The following LPP variants were observed in gnomAD, a reference collection of about 807,000 sequenced individuals.
LPP encodes the protein LIM domain containing preferred translocation partner in lipoma.
Under a neutral mutation model 60.4 loss-of-function variants are expected in LPP, and 38 were observed. The ratio of observed to expected loss-of-function variants is 0.63; its 90% CI spans 0.49 to 0.83. The LOEUF (loss-of-function observed/expected upper bound fraction) is 0.83, where lower values mean the gene tolerates loss of function less well. Among genes scored for constraint, LPP ranks in the 40% least tolerant of loss-of-function variants. The pLI is 0.00. For synonymous variants in LPP, 328 were observed against 290.8 expected (o/e 1.13, Z -1.30); for missense variants, 902 against 783.6 (o/e 1.15, Z -1.80).
intron 2 of LPP, among the ~76,000 whole-genome samples, chr3:188,300,289 C>A (rs773503526): frequency 6.6e-6 from 1 of 151,756 alleles, no homozygotes. Context: ...TGTAAACATT[C>A]CCAAAATGTA....
At chr3:188,175,697 T>A (rs2148845821) in intron 1 of LPP, among the ~76,000 whole-genome samples, 1 of 152,276 alleles carries the variant, frequency 6.6e-6, no homozygotes, top group Middle Eastern at 3.4e-3. Flanking sequence ...TAAAAAGAGA[T>A]CACTGGGCTC....
Position 188,878,949 on chromosome 3 carries a change from T to G in LPP, c.*4470T>G, listed in dbSNP as rs1470536781. ...GTTTTTTATTTGATTTTACAGTAGT[T>G]TTAGTCAGATAATGAGGACAGAGAC... is the stretch of plus-strand genomic sequence containing the variant. On this transcript the variant is annotated 3_prime_UTR_variant, in exon 12 of 12. Transcript: ENST00000617246. 1 of 226,698 alleles carries G rather than the reference T, an allele frequency of 4.4e-6. No homozygotes were observed. Among genetic ancestry groups the G allele is most frequent in the Non-Finnish European group, 8.8e-6 (1 of 114,064 alleles). 14.0% of individuals were successfully genotyped at this position (226,698 alleles called of 1,614,324 possible).
chr3:188,331,532 C>T (rs994470555), intron 2 of LPP, among the ~76,000 whole-genome samples: 4 of 152,208 alleles, frequency 2.6e-5, no homozygotes, highest in Admixed American at 2.6e-4. Context: ...TATAATATTG[C>T]TTACACATGA....
At chr3:188,487,472 T>A (rs1000094851) in intron 5 of LPP, among the ~76,000 whole-genome samples, 2 of 152,176 alleles carry the variant, frequency 1.3e-5, no homozygotes, top group African/African-American at 4.8e-5. Context: ...AAAATGCCTG[T>A]TGTCATGTTG....
chr3:188,357,796 A>G (rs943933396), intron 3 of LPP, among the ~76,000 whole-genome samples: 1 of 152,190 alleles, frequency 6.6e-6, no homozygotes, highest in African/African-American at 2.4e-5. Flanking sequence ...ATGAGAATAA[A>G]CAAAAAAACA....
At chr3:188,553,403 A>T (rs1828680016) in intron 6 of LPP, among the ~76,000 whole-genome samples, 1 of 152,100 alleles carries the variant, frequency 6.6e-6, no homozygotes, top group Non-Finnish European at 1.5e-5. Flanking sequence ...GGTAGCAGGG[A>T]GGGGGTTACT....
chr3:188,857,522 T>G (rs144197299), intron 9 of LPP, among the ~76,000 whole-genome samples: 2 of 152,224 alleles, frequency 1.3e-5, no homozygotes, highest in Non-Finnish European at 2.9e-5. Context: ...TTGTGTACAT[T>G]TAGTAAACTT....
At chr3:188,775,313 G>A (rs62291348) in intron 9 of LPP, among the ~76,000 whole-genome samples, 32,324 of 152,002 alleles carry the variant, frequency 0.21, 3,895 homozygotes, top group Middle Eastern at 0.28. Flanking sequence ...AGCCTCCCAA[G>A]GTGCTGGGAT....
intron 7 of LPP, among the ~76,000 whole-genome samples, chr3:188,704,422 T>C (rs918197050): frequency 1.3e-5 from 2 of 152,220 alleles, no homozygotes; most frequent in Non-Finnish European, 2.9e-5. Context: ...CCTGAAGTTA[T>C]GAAAGGTTGA....
At chr3:188,506,862 A>G (rs1277746867) in intron 5 of LPP, among the ~76,000 whole-genome samples, 2 of 151,952 alleles carry the variant, frequency 1.3e-5, no homozygotes, top group African/African-American at 4.8e-5. Context: ...CAGTGGCGCA[A>G]TCTCGGCTCA....
At chr3:188,579,387 G>A (rs1337152413) in intron 6 of LPP, among the ~76,000 whole-genome samples, 2 of 152,204 alleles carry the variant, frequency 1.3e-5, no homozygotes, top group Non-Finnish European at 2.9e-5. Flanking sequence ...AAAGTAATGT[G>A]TCCTCTTTGG....
intron 7 of LPP, among the ~76,000 whole-genome samples, chr3:188,655,296 C>T (rs749658653): frequency 3.2e-4 from 48 of 151,960 alleles, no homozygotes; most frequent in Admixed American, 1.0e-3. Flanking sequence ...TCTAGCAGCA[C>T]GTTAAAAAGT....
At chr3:188,298,982 C>T (rs1315328776) in intron 2 of LPP, among the ~76,000 whole-genome samples, 1 of 152,118 alleles carries the variant, frequency 6.6e-6, no homozygotes, top group Non-Finnish European at 1.5e-5. Context: ...TGCCCCAGGC[C>T]CTAAGCAGGC....
In LPP at chr3:188,760,086, G is replaced by T. The variant is rs750584459; in HGVS notation, c.1241-27G>T. ...GCAGGACTGAAGTACTCCTTGGTGT[G>T]TTCTTATCAAACCCTTTTTTTTCCA... On this transcript the variant is annotated intron_variant, in intron 8 of 11. Transcript: ENST00000617246. 3 of 1,612,060 alleles carry T rather than the reference G, an allele frequency of 1.9e-6. No homozygotes were observed. In the African/African-American group the frequency reaches 4.0e-5, roughly 22 times the overall value.
chr3:188,370,060 T>G (rs1298953201), intron 3 of LPP, among the ~76,000 whole-genome samples: 1 of 152,164 alleles, frequency 6.6e-6, no homozygotes, highest in Non-Finnish European at 1.5e-5. Flanking sequence ...CCCGAGTAGC[T>G]GGGATTACAG....
chr3:188,713,998 A>C (rs1355219201), intron 8 of LPP, among the ~76,000 whole-genome samples: 1 of 152,120 alleles, frequency 6.6e-6, no homozygotes, highest in Non-Finnish European at 1.5e-5. Context: ...ATTTACCTAG[A>C]GCTCCATATG....
chr3:188,577,304 G>A (rs573391131), intron 6 of LPP, among the ~76,000 whole-genome samples: 16 of 152,174 alleles, frequency 1.1e-4, no homozygotes, highest in Admixed American at 9.2e-4. Context: ...TGTGAAATAA[G>A]ACATACACCC....
chr3:188,492,461 G>C (rs1284374588), intron 5 of LPP, among the ~76,000 whole-genome samples: 1 of 152,152 alleles, frequency 6.6e-6, no homozygotes, highest in African/African-American at 2.4e-5. Flanking sequence ...TTGGGAGGCT[G>C]AGGTAGGTGG....
At chr3:188,515,260 G>T (rs1156911567) in intron 5 of LPP, among the ~76,000 whole-genome samples, 1 of 152,084 alleles carries the variant, frequency 6.6e-6, no homozygotes, top group Non-Finnish European at 1.5e-5. Flanking sequence ...ACGAGATCTG[G>T]TTGTTTAGAG....
Sources: gnomAD v4.1 joint callset for allele counts (sites outside exome capture counted in the v4.1 genomes callset) on GRCh38, gnomAD v4.1.1 for gene constraint, MANE v1.5 for transcripts, NCBI Gene and HGNC (gene_info 2026-07-23, HGNC 2026-07-21) for gene names.